Variants in KATNIP observed in about 807,000 individuals in gnomAD.
The protein encoded by KATNIP is katanin interacting protein.
A neutral mutation model predicts 174.0 loss-of-function variants in KATNIP; 126 were observed. The observed-to-expected ratio is 0.72, with a 90% CI of 0.63 to 0.84. KATNIP has a LOEUF of 0.84. Among genes scored for constraint, KATNIP ranks in the 40% least tolerant of loss-of-function variants. The pLI is 0.00. For missense variants in KATNIP, 1,958 were observed against 2,109.7 expected (o/e 0.93, Z 1.41); for synonymous variants, 810 against 835.7 (o/e 0.97, Z 0.53).
intron 1 of KATNIP, among the ~76,000 whole-genome samples, chr16:27,560,497 A>G (rs951642702): frequency 1.3e-5 from 2 of 151,872 alleles, no homozygotes; most frequent in African/African-American, 4.8e-5. Context: ...TCTTCCATTG[A>G]TCATATTGGC....
intron 2 of KATNIP, among the ~76,000 whole-genome samples, chr16:27,577,822 A>G (rs1216404339): frequency 6.6e-6 from 1 of 152,156 alleles, no homozygotes; most frequent in African/African-American, 2.4e-5. Context: ...GCAATAGGCT[A>G]TGATCACACC....
intron 14 of KATNIP, among the ~76,000 whole-genome samples, chr16:27,734,685 A>G (rs1348647092): frequency 6.6e-6 from 1 of 152,114 alleles, no homozygotes; most frequent in Admixed American, 6.5e-5. Context: ...TGACAGAGAG[A>G]GACGTCTCAA....
Position 27,776,043 on chromosome 16 carries a change from G to GT in KATNIP, c.4450-884dup, listed in dbSNP as rs980963914. ...GTCTAGCACTGGAAGGCCTTTTGGG[G>GT]TGCGGCGACTTCAGCTGTTGCTCTC... On this transcript the variant is annotated intron_variant, in intron 24 of 27. Coordinates refer to ENST00000261588, the MANE Select transcript of KATNIP (RefSeq NM_015202.5). The surrounding 1 kb of genome is among the most constrained non-coding windows in gnomAD (Gnocchi z 4.7). Among the ~76,000 whole-genome samples the GT allele has an allele frequency of 1.3e-5, 2 of 152,212 alleles. No homozygotes were observed. The highest frequency in any genetic ancestry group is 2.9e-5 in the Non-Finnish European group (2 of 68,048).
At chr16:27,673,049 G>C (rs1366847132) in intron 6 of KATNIP, among the ~76,000 whole-genome samples, 1 of 152,166 alleles carries the variant, frequency 6.6e-6, no homozygotes, top group Non-Finnish European at 1.5e-5. Context: ...CAGAGAGAGG[G>C]ATGTGCCCAT....
rs777947405 is a variant in KATNIP, at chr16:27,776,479, C to T, written c.4450-449C>T. Among the ~76,000 whole-genome samples the T allele has an allele frequency of 2.0e-5, 3 of 152,176 alleles. No homozygotes were observed. Among genetic ancestry groups the T allele is most frequent in the Non-Finnish European group, 2.9e-5 (2 of 68,036 alleles). ...ACACGCCCTGGACATTGTCCAGCAGCACCTTGGCGTTGCTTCTCAGTGATG... is the reference window on the plus strand; with the variant it reads ...ACACGCCCTGGACATTGTCCAGCAGTACCTTGGCGTTGCTTCTCAGTGATG... On this transcript the variant is annotated intron_variant, in intron 24 of 27. Coordinates refer to ENST00000261588, the MANE Select transcript of KATNIP (RefSeq NM_015202.5). This position sits in a 1 kb window ranked among gnomAD's most constrained non-coding sequence, Gnocchi z 4.7.
intron 9 of KATNIP, 106 bp from the exon 10 acceptor site, chr16:27,699,428 T>A (rs561845305): frequency 8.4e-5 from 128 of 1,524,172 alleles, no homozygotes; most frequent in South Asian, 2.9e-4. Context: ...ATATCTATGG[T>A]AGCTTGAGAA....
At chr16:27,686,698 G>A (rs952627048) in intron 8 of KATNIP, among the ~76,000 whole-genome samples, 1 of 151,842 alleles carries the variant, frequency 6.6e-6, no homozygotes, top group African/African-American at 2.4e-5. Flanking sequence ...TGATTGCTTT[G>A]TATTATTTCT....
chr16:27,765,387 G>C (rs543835039), intron 19 of KATNIP, among the ~76,000 whole-genome samples: 1 of 152,230 alleles, frequency 6.6e-6, no homozygotes, highest in Non-Finnish European at 1.5e-5. Flanking sequence ...ACAGGAGTGC[G>C]ATAGGGCTGA....
Position 27,777,945 on chromosome 16 carries a change from C to T in KATNIP, c.4777C>T (p.Arg1593Trp), listed in dbSNP as rs567053447. The T allele has an allele frequency of 1.2e-5, 19 of 1,614,102 alleles. No individual in the cohort carries two copies. Among genetic ancestry groups the T allele is most frequent in the African/African-American group, 4.0e-5 (3 of 75,060 alleles). ...NENQIITNAK[R>W]KQSVVDPALR... is the part of the protein sequence containing the mutation. ...AAACCAAATCATTACCAACGCGAAA[C>T]GGAAGCAGAGCGTTGTTGACCCAGG... Residue 1593 changes from arginine to tryptophan, a missense_variant, in exon 27 of 28, where the codon CGG (arginine) becomes TGG (tryptophan). By Grantham distance (101) the Arg-to-Trp change is moderately radical (BLOSUM62 -3). Coordinates refer to ENST00000261588, the MANE Select transcript of KATNIP (RefSeq NM_015202.5). The surrounding 1 kb of genome is among the most constrained non-coding windows in gnomAD (Gnocchi z 4.4).
chr16:27,652,603 A>G lies in KATNIP; in HGVS notation c.540+3868A>G, dbSNP rs922126200. 1.6e-3 allele frequency among the ~76,000 whole-genome samples: 247 copies of G among 152,138 alleles called. 2 individuals are homozygous for G. The highest frequency in any genetic ancestry group is 0.016 in the Admixed American group (240 of 15,274). On this transcript the variant is annotated intron_variant, in intron 6 of 27. Transcript: ENST00000261588. ...GGGAGGTGAAGGGTCGCTTAAGATC[A>G]GGGGTTCGAGACCAGCCTGACCAAC...
intron 1 of KATNIP, among the ~76,000 whole-genome samples, chr16:27,559,038 G>A (rs760103442): frequency 6.6e-6 from 1 of 152,184 alleles, no homozygotes. Context: ...AAAGGTACCC[G>A]TTTTGACTAC....
At chr16:27,712,481 C>T (rs953097649) in intron 13 of KATNIP, among the ~76,000 whole-genome samples, 1 of 152,160 alleles carries the variant, frequency 6.6e-6, no homozygotes, top group South Asian at 2.1e-4. Context: ...GAGGAAGAGG[C>T]ACTTGCCCCA....
chr16:27,677,749 A>T lies in KATNIP; in HGVS notation c.561A>T (p.Glu187Asp). Residue 187 changes from glutamate (E) to aspartate (D), a missense_variant, in exon 7 of 28, where the codon GAA becomes GAT. Coordinates refer to ENST00000261588, the MANE Select transcript of KATNIP (RefSeq NM_015202.5). ...TGCAGGAGCTGAGAAGAAGCCTGGAACTTAGTGTAAATCTACAAAGGAAAC... is the reference window on the plus strand; with the variant it reads ...TGCAGGAGCTGAGAAGAAGCCTGGATCTTAGTGTAAATCTACAAAGGAAAC... ...DRPQELRRSL[E>D]LSVNLQRKQK... 1 of 1,609,432 alleles carries T rather than the reference A, an allele frequency of 6.2e-7. No individual in the cohort carries two copies. Among genetic ancestry groups the T allele is most frequent in the Non-Finnish European group, 8.5e-7 (1 of 1,175,874 alleles).
At chr16:27,564,468 C>A (rs1019953412) in intron 1 of KATNIP, among the ~76,000 whole-genome samples, 6 of 152,044 alleles carry the variant, frequency 3.9e-5, no homozygotes, top group Admixed American at 3.3e-4. Context: ...CAAGCAAATG[C>A]GCGTTAACGG....
At chr16:27,754,358 G>A in intron 18 of KATNIP, 107 bp downstream of exon 18, 1 of 925,758 alleles carries the variant, frequency 1.1e-6, no homozygotes, top group Admixed American at 2.0e-5. Context: ...GGGTGGGTTG[G>A]ACACTGTACA....
chr16:27,745,616 GT>G (rs2081264291), intron 15 of KATNIP, among the ~76,000 whole-genome samples: 1 of 152,202 alleles, frequency 6.6e-6, no homozygotes, highest in Non-Finnish European at 1.5e-5. Context: ...ATCGTTTCCT[GT>G]TTTAGTAGCA....
chr16:27,698,414 G>A lies in KATNIP; in HGVS notation c.1027G>A (p.Val343Met), dbSNP rs749492525. ...GTACCCAGAGGAAGATGCCTCTGCT[G>A]TGCTCCAAGCCATCCAGGTGGAGAA... The part of the protein sequence containing the change: ...AEYPEEDASA[V>M]LQAIQVENAA... Residue 343 changes from valine to methionine, a missense_variant, in exon 9 of 28, where the codon GTG becomes ATG. Transcript: ENST00000261588. 12 of 1,613,714 alleles carry A rather than the reference G, an allele frequency of 7.4e-6. No homozygotes were observed. The highest frequency in any genetic ancestry group is 1.7e-5 in the Admixed American group (1 of 59,984).
intron 2 of KATNIP, among the ~76,000 whole-genome samples, chr16:27,574,911 T>A (rs1443706672): frequency 6.6e-6 from 1 of 152,132 alleles, no homozygotes; most frequent in African/African-American, 2.4e-5. Flanking sequence ...GGGAAATAGA[T>A]CTCACCTCTT....
chr16:27,769,749 G>A (rs1321980495), intron 20 of KATNIP, 112 bp from the exon 21 acceptor site: 8 of 1,332,438 alleles, frequency 6.0e-6, no homozygotes, highest in Admixed American at 1.9e-5. Flanking sequence ...GTGGCTCTGC[G>A]AAAGGCTCCC....
Sources: gnomAD v4.1 joint callset for allele counts (sites outside exome capture counted in the v4.1 genomes callset) on GRCh38, gnomAD v4.1.1 for gene constraint, Gnocchi (gnomAD v3.1) non-coding constraint, MANE v1.5 for transcripts, NCBI Gene and HGNC (gene_info 2026-07-23, HGNC 2026-07-21) for gene names.